Variants in SPATA21 observed in about 807,000 individuals in gnomAD.
SPATA21 encodes the protein spermatogenesis associated 21.
SPATA21 carries 47 observed loss-of-function variants against 54.8 expected under a neutral mutation model. The observed-to-expected ratio is 0.86, with a 90% CI of 0.68 to 1.09. The LOEUF (loss-of-function observed/expected upper bound fraction) is 1.09, where lower values mean the gene tolerates loss of function less well. Ranked by LOEUF, SPATA21 falls within the 50% of genes least tolerant of loss-of-function variation. The pLI, the probability that SPATA21 is intolerant of heterozygous loss-of-function variation, is 0.00. For synonymous variants in SPATA21, 245 were observed against 235.3 expected (o/e 1.04, Z -0.38); for missense variants, 599 against 596.4 (o/e 1.00, Z -0.05).
At chr1:16,406,759 A>G (rs2085654440) in intron 7 of SPATA21, among the ~76,000 whole-genome samples, 1 of 152,096 alleles carries the variant, frequency 6.6e-6, no homozygotes, top group African/African-American at 2.4e-5. Flanking sequence ...TAAATAAATA[A>G]TAAACGCAAA....
At position 16,409,460 on chromosome 1, in the gene SPATA21, A is replaced by G; in HGVS notation, c.587+141T>C. ...GGAGGCAGAGACATGGGAGATGCGG[A>G]GAGGAGACACATGAGGAGAAATGGA... On this transcript the variant is annotated intron_variant, in intron 6 of 12. Coordinates refer to ENST00000335496, the MANE Select transcript of SPATA21 (RefSeq NM_198546.1). The surrounding 1 kb of genome is among the most constrained non-coding windows in gnomAD (Gnocchi z 4.1). The G allele has an allele frequency of 1.1e-6, 1 of 951,426 alleles. No individual in the cohort carries two copies. The highest frequency in any genetic ancestry group is 1.6e-6 in the Non-Finnish European group (1 of 645,120). 58.9% of individuals were successfully genotyped at this position (951,426 alleles called of 1,614,324 possible). A position where few individuals can be genotyped will look rare whatever the true frequency, so the allele number is the denominator to read the frequency against.
At chr1:16,431,234 G>A (rs1291307959) in intron 3 of SPATA21, 104 bp downstream of exon 3, 1 of 1,606,000 alleles carries the variant, frequency 6.2e-7, no homozygotes, top group Non-Finnish European at 8.5e-7. Flanking sequence ...ATGGGGTGCA[G>A]GTCCCTACCT....
At chr1:16,424,310 CA>C (rs779826467) in intron 3 of SPATA21, among the ~76,000 whole-genome samples, 198 of 107,486 alleles carry the variant, frequency 1.8e-3, no homozygotes, top group East Asian at 6.4e-3. Flanking sequence ...AAGACTGTCT[CA>C]AAAAAAAAAA....
chr1:16,398,941 G>C, intron 12 of SPATA21, 119 bp from the exon 13 acceptor site: 1 of 1,074,514 alleles, frequency 9.3e-7, no homozygotes, highest in Non-Finnish European at 1.3e-6. Flanking sequence ...CCTCAGAAAT[G>C]GTGGAACCAG....
intron 5 of SPATA21, among the ~76,000 whole-genome samples, chr1:16,412,989 G>A (rs113942728): frequency 0.17 from 25,055 of 151,700 alleles, 2,599 homozygotes; most frequent in Non-Finnish European, 0.23. Context: ...TCACCATGTT[G>A]GCCAGGATGG....
At chr1:16,412,163 T>C (rs2085870448) in intron 5 of SPATA21, among the ~76,000 whole-genome samples, 1 of 152,106 alleles carries the variant, frequency 6.6e-6, no homozygotes, top group Admixed American at 6.6e-5. Context: ...GACCCAGGGA[T>C]TTGTCCTCAG....
In SPATA21 at chr1:16,421,304, C is replaced by T. The variant is rs2086163384; in HGVS notation, c.144+205G>A. ...TCTTGATGCCCACCCAGAATACACA[C>T]ACATGCATACACACAGGCACAGGCA... On this transcript the variant is annotated intron_variant, in intron 5 of 12. Coordinates refer to ENST00000335496, the MANE Select transcript of SPATA21 (RefSeq NM_198546.1). This position sits in a 1 kb window ranked among gnomAD's most constrained non-coding sequence, Gnocchi z 5.2. Among the ~76,000 whole-genome samples the T allele has an allele frequency of 6.6e-6, 1 of 151,902 alleles. No homozygotes were observed. The highest frequency in any genetic ancestry group is 2.1e-4 in the South Asian group (1 of 4,830).
chr1:16,404,149 T>C (rs749173723), intron 8 of SPATA21, 110 bp from the exon 9 acceptor site: 1 of 877,552 alleles, frequency 1.1e-6, no homozygotes. Flanking sequence ...TATCAAGCAG[T>C]GCATACTCAA....
At chr1:16,400,419 CAGTG>C (rs1163369314) in intron 11 of SPATA21, 7 of 1,092,118 alleles carry the variant, frequency 6.4e-6, no homozygotes, top group African/African-American at 4.9e-5. Context: ...ACTCAATAAA[CAGTG>C]AGCTGGGATT....
At chr1:16,437,820 G>C (rs2086616617), upstream of SPATA21, among the ~76,000 whole-genome samples, 1 of 152,264 alleles carries the variant, frequency 6.6e-6, no homozygotes, top group African/African-American at 2.4e-5. Context: ...GGGAGGCCGA[G>C]GTGGGTGGAT....
chr1:16,425,480 T>C, intron 3 of SPATA21: 2 of 1,535,356 alleles, frequency 1.3e-6, no homozygotes, highest in Non-Finnish European at 1.8e-6. Flanking sequence ...ACCTCCTCTG[T>C]GGTAGGTCAT....
intron 2 of SPATA21, among the ~76,000 whole-genome samples, chr1:16,432,226 A>G (rs1384621684): frequency 6.6e-6 from 1 of 151,016 alleles, no homozygotes. Flanking sequence ...GGCTCAAGCA[A>G]TTCTCCTGCC....
At chr1:16,404,659 A>G (rs1404842112) in intron 8 of SPATA21, among the ~76,000 whole-genome samples, 1 of 152,126 alleles carries the variant, frequency 6.6e-6, no homozygotes, top group Non-Finnish European at 1.5e-5. Context: ...CAAAAAATAA[A>G]AAGTTAGCTG....
Position 16,431,205 on chromosome 1 carries a change from G to A in SPATA21, c.34+133C>T, listed in dbSNP as rs776126961. 3.2e-6 allele frequency: 5 copies of A among 1,567,064 alleles called. No homozygotes were observed. The African/African-American group carries it at 6.8e-5, about 21-fold the overall frequency. On this transcript the variant is annotated intron_variant, in intron 3 of 12. Transcript: ENST00000335496. ...CAGGGGAAGGGAAAGGTGCCAGCTA[G>A]GAGTGAATGGATCAGAACATGGGGT...
rs1317795961 is a variant in SPATA21 at position 16,405,031 on chromosome 1, G to A, written c.747C>T (p.Leu249=). The part of the protein sequence containing the change: ...VDAQSLKNIL[L]LMGFSVTLAQ... ...CCAGCGTCACAGAGAAGCCCATTAG[G>A]AGCAGGATATTCTTCAGGCTCTGTG... Residue 249 remains leucine, a synonymous_variant, in exon 8 of 13, where the codon CTC becomes CTT. Coordinates refer to ENST00000335496, the MANE Select transcript of SPATA21 (RefSeq NM_198546.1). 1.9e-6 allele frequency: 3 copies of A among 1,609,924 alleles called. No individual in the cohort carries two copies. The highest frequency in any genetic ancestry group is 2.5e-6 in the Non-Finnish European group (3 of 1,178,750).
intron 3 of SPATA21, among the ~76,000 whole-genome samples, chr1:16,424,304 C>T (rs2086262550): frequency 7.4e-6 from 1 of 134,308 alleles, no homozygotes; most frequent in Non-Finnish European, 1.6e-5. Flanking sequence ...CAGAGCAAGA[C>T]TGTCTCAAAA....
chr1:16,410,115 C>T, intron 5 of SPATA21, 72 bp from the exon 6 acceptor site: 1 of 1,284,172 alleles, frequency 7.8e-7, no homozygotes. Flanking sequence ...TCCCTGCCAT[C>T]CCCTCTCCAG....
intron 1 of SPATA21, among the ~76,000 whole-genome samples, chr1:16,435,484 T>C (rs973382613): frequency 9.2e-5 from 14 of 151,970 alleles, no homozygotes; most frequent in Non-Finnish European, 1.9e-4. Context: ...ACCAGACTAA[T>C]TTTTGTATTT....
chr1:16,421,794 C>G lies in SPATA21; in HGVS notation c.95+117G>C, dbSNP rs1023505785. 5 of 1,492,780 alleles carry G rather than the reference C, an allele frequency of 3.3e-6. No individual in the cohort carries two copies. In the African/African-American group the frequency reaches 6.9e-5, roughly 21 times the overall value. 92.5% of individuals were successfully genotyped at this position (1,492,780 alleles called of 1,614,324 possible). ...GAAATTGAGACCCAGCGGAGCATGA[C>G]TTGCCCAAGGTCCTCTACCAGGTCA... On this transcript the variant is annotated intron_variant, in intron 4 of 12. Transcript: ENST00000335496. The surrounding 1 kb of genome is among the most constrained non-coding windows in gnomAD (Gnocchi z 5.2).
Sources: allele counts gnomAD v4.1 joint callset (sites outside exome capture counted in the v4.1 genomes callset), GRCh38; gene constraint gnomAD v4.1.1; non-coding constraint Gnocchi (gnomAD v3.1); transcripts MANE v1.5; gene names NCBI Gene and HGNC (gene_info 2026-07-23, HGNC 2026-07-21).